PLXDC2: variants seen among roughly 807,000 people sequenced by gnomAD.
The protein encoded by PLXDC2 is plexin domain containing 2.
In PLXDC2, 40 loss-of-function variants were observed where a neutral mutation model predicts 68.9. The ratio of observed to expected loss-of-function variants is 0.58; its 90% CI spans 0.45 to 0.76. PLXDC2 has a LOEUF of 0.76. Among genes scored for constraint, PLXDC2 ranks in the 30% least tolerant of loss-of-function variants. The pLI is 0.00. For missense variants in PLXDC2, 644 were observed against 661.9 expected, an observed-to-expected ratio of 0.97 and a Z score of 0.30; for synonymous variants, 243 against 234.2, an observed-to-expected ratio of 1.04 and a Z score of -0.34.
At chr10:19,819,261 T>C (rs188466172) in intron 1 of PLXDC2, among the ~76,000 whole-genome samples, 6 of 152,354 alleles carry the variant, frequency 3.9e-5, no homozygotes, top group Admixed American at 6.5e-5. Context: ...CATATATTGA[T>C]AGGATTGATT....
At position 20,100,363 on chromosome 10, in the gene PLXDC2, G is replaced by T. The variant is rs1833406940; in HGVS notation, c.541+32124G>T. The stretch of plus-strand genomic sequence containing the variant: ...TCGTTTTGTGTGTTTGTGTGGGAAA[G>T]AGAGATAATGAAAGGAAATGGTGTT... On this transcript the variant is annotated intron_variant, in intron 4 of 13. Coordinates refer to ENST00000377252, the MANE Select transcript of PLXDC2 (RefSeq NM_032812.9). 2.6e-5 allele frequency among the ~76,000 whole-genome samples: 4 copies of T among 152,186 alleles called. No individual in the cohort carries two copies. The South Asian group carries it at 8.3e-4, about 31-fold the overall frequency.
intron 2 of PLXDC2, 58 bp downstream of exon 2, chr10:20,002,044 C>A: frequency 1.3e-6 from 2 of 1,515,058 alleles, no homozygotes; most frequent in South Asian, 1.2e-5. Flanking sequence ...ATGTAGGTGC[C>A]CAACTTTTAT....
rs143908233 is a variant in PLXDC2 at position 20,023,398 on chromosome 10, G to A, written c.324+21412G>A. 6.6e-5 allele frequency among the ~76,000 whole-genome samples: 10 copies of A among 152,244 alleles called. No individual in the cohort carries two copies. In the East Asian group the frequency reaches 1.9e-3, roughly 29 times the overall value. ...TGAATGTGTCCTCCAAAAAGCATGT[G>A]TTTGAAACTTGACCCTAAGGCAGCA... On this transcript the variant is annotated intron_variant, in intron 2 of 13. Coordinates refer to ENST00000377252, the MANE Select transcript of PLXDC2 (RefSeq NM_032812.9).
At chr10:20,132,339 C>G (rs1440937751) in intron 4 of PLXDC2, among the ~76,000 whole-genome samples, 1 of 152,126 alleles carries the variant, frequency 6.6e-6, no homozygotes, top group Non-Finnish European at 1.5e-5. Context: ...ATGAAACGTT[C>G]TATATATCTC....
chr10:19,978,118 G>A (rs1278770540), intron 1 of PLXDC2, among the ~76,000 whole-genome samples: 2 of 152,050 alleles, frequency 1.3e-5, no homozygotes, highest in African/African-American at 4.8e-5. Context: ...GCTAGACTTT[G>A]TATCTCTTCT....
intron 1 of PLXDC2, among the ~76,000 whole-genome samples, chr10:19,935,106 G>A (rs576487177): frequency 7.2e-5 from 11 of 152,228 alleles, no homozygotes; most frequent in African/African-American, 2.6e-4. Context: ...TTTATCTGTG[G>A]GGGCTTTTAG....
intron 4 of PLXDC2, among the ~76,000 whole-genome samples, chr10:20,103,966 T>C (rs1481677515): frequency 6.6e-6 from 1 of 152,092 alleles, no homozygotes; most frequent in African/African-American, 2.4e-5. Flanking sequence ...TAAGATATAA[T>C]TGAAGGAGCA....
At chr10:20,225,908 G>T (rs772031693) in intron 12 of PLXDC2, among the ~76,000 whole-genome samples, 11 of 152,164 alleles carry the variant, frequency 7.2e-5, no homozygotes, top group Non-Finnish European at 1.3e-4. Context: ...ATCACTGTGG[G>T]TGGAGATTCT....
At chr10:20,197,848 T>C (rs1258399895) in intron 9 of PLXDC2, among the ~76,000 whole-genome samples, 1 of 152,108 alleles carries the variant, frequency 6.6e-6, no homozygotes, top group Non-Finnish European at 1.5e-5. Context: ...AAAAGCCAAA[T>C]TGTTGAAACA....
chr10:19,941,868 A>C (rs1162564046), intron 1 of PLXDC2, among the ~76,000 whole-genome samples: 1 of 151,730 alleles, frequency 6.6e-6, no homozygotes, highest in East Asian at 1.9e-4. Flanking sequence ...ATTTTATCTC[A>C]GCGAGCTATT....
intron 13 of PLXDC2, among the ~76,000 whole-genome samples, chr10:20,274,176 G>A (rs1372201773): frequency 2.0e-5 from 3 of 152,074 alleles, no homozygotes; most frequent in Admixed American, 6.5e-5. Flanking sequence ...TGGATAAATG[G>A]ATAGTCTTTG....
intron 1 of PLXDC2, among the ~76,000 whole-genome samples, chr10:19,928,843 C>A (rs1249364899): frequency 6.6e-6 from 1 of 150,666 alleles, no homozygotes; most frequent in Non-Finnish European, 1.5e-5. Context: ...TAACCTCGGC[C>A]TCCTGGGTTC....
chr10:20,053,873 C>T (rs1187068718), intron 3 of PLXDC2, among the ~76,000 whole-genome samples: 4 of 151,880 alleles, frequency 2.6e-5, no homozygotes, highest in Non-Finnish European at 5.9e-5. Context: ...CCTCGCAGTG[C>T]GTTGTGGAGA....
chr10:19,991,634 G>T (rs1001690513), intron 1 of PLXDC2, among the ~76,000 whole-genome samples: 1 of 152,018 alleles, frequency 6.6e-6, no homozygotes, highest in African/African-American at 2.4e-5. Flanking sequence ...AGTCAGCCTG[G>T]GCTCAATGTT....
intron 1 of PLXDC2, among the ~76,000 whole-genome samples, chr10:19,921,610 C>G (rs1833463059): frequency 6.6e-6 from 1 of 152,172 alleles, no homozygotes; most frequent in Non-Finnish European, 1.5e-5. Context: ...CTGCATTTTT[C>G]CCCATCGAAA....
chr10:19,824,817 T>C (rs763341878), intron 1 of PLXDC2, among the ~76,000 whole-genome samples: 6 of 152,270 alleles, frequency 3.9e-5, no homozygotes, highest in Non-Finnish European at 8.8e-5. Context: ...TGTTTGGTTT[T>C]ATTTTCCTCT....
chr10:19,951,980 C>G (rs1310302427), intron 1 of PLXDC2, among the ~76,000 whole-genome samples: 1 of 151,932 alleles, frequency 6.6e-6, no homozygotes, highest in African/African-American at 2.4e-5. Flanking sequence ...CAACAGTAGA[C>G]ACAGGAGACT....
At chr10:20,235,638 A>C (rs1835422835) in intron 12 of PLXDC2, among the ~76,000 whole-genome samples, 1 of 152,166 alleles carries the variant, frequency 6.6e-6, no homozygotes, top group African/African-American at 2.4e-5. Flanking sequence ...TTATTCTTTG[A>C]AGCCCCAAAG....
chr10:20,027,915 C>A (rs1216868289), intron 2 of PLXDC2, among the ~76,000 whole-genome samples: 1 of 152,084 alleles, frequency 6.6e-6, no homozygotes, highest in African/African-American at 2.4e-5. Context: ...TAGGAGTCAC[C>A]ATTTCAAAAA....
Sources: gnomAD v4.1 joint callset for allele counts (sites outside exome capture counted in the v4.1 genomes callset) on GRCh38, gnomAD v4.1.1 for gene constraint, MANE v1.5 for transcripts, NCBI Gene and HGNC (gene_info 2026-07-23, HGNC 2026-07-21) for gene names.